PLEKHG1: variants seen among roughly 807,000 people sequenced by gnomAD.
PLEKHG1 encodes pleckstrin homology and RhoGEF domain containing G1, also known as pleckstrin homology domain-containing family G member 1.
A neutral mutation model predicts 100.8 loss-of-function variants in PLEKHG1; 44 were observed. The observed-to-expected ratio is 0.44, with a 90% CI of 0.34 to 0.56. PLEKHG1 has a LOEUF of 0.56. Among genes scored for constraint, PLEKHG1 ranks in the 20% least tolerant of loss-of-function variants. The pLI is 0.01. For synonymous variants in PLEKHG1, 640 were observed against 662.5 expected, an observed-to-expected ratio of 0.97 and a Z score of 0.52; for missense variants, 1,545 against 1,720.9, an observed-to-expected ratio of 0.90 and a Z score of 1.81.
At chr6:150,664,809 A>G (rs922046321) in intron 3 of PLEKHG1, among the ~76,000 whole-genome samples, 5 of 152,074 alleles carry the variant, frequency 3.3e-5, no homozygotes, top group Admixed American at 2.0e-4. Flanking sequence ...TGCAAGAATC[A>G]TACCACATTC....
chr6:150,750,441 A>G (rs1783440263), intron 2 of PLEKHG1, among the ~76,000 whole-genome samples: 2 of 152,266 alleles, frequency 1.3e-5, no homozygotes, highest in Admixed American at 1.3e-4. Context: ...CCAGTAGACG[A>G]TCAGTGTTGA....
At chr6:150,674,684 C>CTCTCA (rs1562427910) in intron 3 of PLEKHG1, among the ~76,000 whole-genome samples, 2 of 73,360 alleles carry the variant, frequency 2.7e-5, no homozygotes, top group Non-Finnish European at 5.3e-5. Flanking sequence ...TCTCTCTCTC[C>CTCTCA]CCCCTCTTCT....
At chr6:150,818,253 T>G in intron 11 of PLEKHG1, 37 bp downstream of exon 12, 1 of 1,383,634 alleles carries the variant, frequency 7.2e-7, no homozygotes, top group Non-Finnish European at 1.0e-6. Flanking sequence ...TGAAATTTCA[T>G]TGTCTGTTTG....
exon 2 of PLEKHG1, chr6:150,733,792 T>C (rs763352559): frequency 3.1e-6 from 5 of 1,614,150 alleles, no homozygotes; most frequent in Non-Finnish European, 4.2e-6. Flanking sequence ...TAGTTTCAAA[T>C]AGCCACATGG....
chr6:150,634,434 A>G (rs1475243408), intron 1 of PLEKHG1, among the ~76,000 whole-genome samples: 1 of 152,188 alleles, frequency 6.6e-6, no homozygotes, highest in Non-Finnish European at 1.5e-5. Context: ...TGGGAAGCTC[A>G]GGAGGCACAT....
chr6:150,636,014 T>C (rs1303188322), intron 1 of PLEKHG1, among the ~76,000 whole-genome samples: 1 of 152,158 alleles, frequency 6.6e-6, no homozygotes, highest in Non-Finnish European at 1.5e-5. Flanking sequence ...GAGGCATTTT[T>C]GAGTTGAAGG....
At position 150,732,326 on chromosome 6, in the gene PLEKHG1, G is replaced by A. The variant is rs570790452; in HGVS notation, c.-98-1258G>A. 1.2e-3 allele frequency among the ~76,000 whole-genome samples: 184 copies of A among 152,256 alleles called. 1 individual carries two copies. The highest frequency in any genetic ancestry group is 2.4e-3 in the Non-Finnish European group (160 of 68,022). On this transcript the variant is annotated intron_variant, in intron 1 of 15. Coordinates refer to ENST00000358517, the Ensembl canonical transcript of PLEKHG1. ...CTTGTGGAGAGTTGTAGTTAATCAA[G>A]CATGCTCTCTAATAGTATCATAACT...
At chr6:150,819,580 T>C in intron 11 of PLEKHG1, 99 bp from the exon 13 acceptor site, 1 of 567,392 alleles carries the variant, frequency 1.8e-6, no homozygotes, top group Admixed American at 2.7e-5. Context: ...ATAATAATAA[T>C]AATAATAATA....
In PLEKHG1 at chr6:150,612,343, GT is replaced by G. The variant is rs561983396; in HGVS notation, c.-204+12331del. ...GGGTTTTGTTTGTTTGTTTTGTTTTGTTTTTGAGACAGAGTCTCTCTCTCTG... is the reference window on the plus strand; with the variant it reads ...GGGTTTTGTTTGTTTGTTTTGTTTTGTTTTGAGACAGAGTCTCTCTCTCTG... On this transcript the variant is annotated intron_variant, in intron 1 of 3. Transcript: ENST00000367326. 5.0e-3 allele frequency among the ~76,000 whole-genome samples: 754 copies of G among 151,072 alleles called. 6 individuals carry two copies. Among genetic ancestry groups the G allele is most frequent in the African/African-American group, 0.018 (726 of 41,408 alleles).
At chr6:150,800,493 G>A (rs1786627750) in intron 5 of PLEKHG1, among the ~76,000 whole-genome samples, 1 of 152,190 alleles carries the variant, frequency 6.6e-6, no homozygotes, top group Non-Finnish European at 1.5e-5. Context: ...TTGTTACTTA[G>A]AAGCCATGAG....
rs574348824 is a variant in PLEKHG1, at chr6:150,652,330, C to T, written c.-99+1544C>T. ...GGCCTGCAATGGTAAACTATTTCCACGCTTATGCTTATACGTCAAATGCTT... is the reference window on the plus strand; with the variant it reads ...GGCCTGCAATGGTAAACTATTTCCATGCTTATGCTTATACGTCAAATGCTT... On this transcript the variant is annotated intron_variant, in intron 3 of 3. Transcript: ENST00000367326. Among the ~76,000 whole-genome samples, 16 of 152,266 alleles carry T rather than the reference C, an allele frequency of 1.1e-4. 1 individual carries two copies. In the South Asian group the frequency reaches 3.1e-3, roughly 30 times the overall value.
rs534376693 is a variant in PLEKHG1 at position 150,600,325 on chromosome 6, GCCC to G, written c.-204+311_-204+313del. Among the ~76,000 whole-genome samples, 296 of 151,902 alleles carry G rather than the reference GCCC, an allele frequency of 1.9e-3. No homozygotes were observed. The highest frequency in any genetic ancestry group is 6.5e-3 in the African/African-American group (269 of 41,480). ...GCCGCCGCCCCGCTTGGGGTTCCGC[GCCC>G]CCAAGTTCCCGGTGCTCCCGCCCCT... On this transcript the variant is annotated intron_variant, in intron 1 of 3. Coordinates refer to the PLEKHG1 transcript ENST00000367326. The surrounding 1 kb of genome is among the most constrained non-coding windows in gnomAD (Gnocchi z 6.2).
chr6:150,763,326 C>T (rs1252396209), intron 2 of PLEKHG1, among the ~76,000 whole-genome samples: 3 of 152,132 alleles, frequency 2.0e-5, no homozygotes, highest in East Asian at 3.9e-4. Flanking sequence ...CCACCGTGCC[C>T]GGGCCTTAAC....
chr6:150,771,892 C>T (rs914939279), intron 3 of PLEKHG1, among the ~76,000 whole-genome samples: 1 of 152,222 alleles, frequency 6.6e-6, no homozygotes, highest in East Asian at 1.9e-4. Context: ...ATACAGAAAA[C>T]CACAGAAAGA....
chr6:150,604,288 A>G (rs921370390), intron 1 of PLEKHG1, among the ~76,000 whole-genome samples: 1 of 152,200 alleles, frequency 6.6e-6, no homozygotes, highest in African/African-American at 2.4e-5. Context: ...CACATTGAGC[A>G]CCAATTTAAA....
intron 2 of PLEKHG1, among the ~76,000 whole-genome samples, chr6:150,640,715 C>G (rs939445950): frequency 6.6e-6 from 1 of 152,040 alleles, no homozygotes; most frequent in Non-Finnish European, 1.5e-5. Flanking sequence ...TTACAATTTC[C>G]CAAAACTGCT....
At chr6:150,705,913 A>T (rs557804228) in intron 3 of PLEKHG1, among the ~76,000 whole-genome samples, 1 of 152,294 alleles carries the variant, frequency 6.6e-6, no homozygotes, top group African/African-American at 2.4e-5. Context: ...AATGCTGCTG[A>T]TGAACTAATG....
At chr6:150,718,906 T>C (rs1013478347), upstream of PLEKHG1, among the ~76,000 whole-genome samples, 2 of 150,930 alleles carry the variant, frequency 1.3e-5, no homozygotes, top group African/African-American at 4.9e-5. Flanking sequence ...AAAAAAAATG[T>C]GTTTGTGTGT....
At chr6:150,718,905 G>T (rs1057351979), upstream of PLEKHG1, among the ~76,000 whole-genome samples, 4 of 149,658 alleles carry the variant, frequency 2.7e-5, no homozygotes, top group Non-Finnish European at 4.4e-5. Context: ...AAAAAAAAAT[G>T]TGTTTGTGTG....
Sources: allele counts gnomAD v4.1 joint callset (sites outside exome capture counted in the v4.1 genomes callset), GRCh38; gene constraint gnomAD v4.1.1; non-coding constraint Gnocchi (gnomAD v3.1); transcripts MANE v1.5; gene names NCBI Gene and HGNC (gene_info 2026-07-23, HGNC 2026-07-21).